FHIT: variants seen among roughly 807,000 people sequenced by gnomAD.
FHIT encodes bis(5'-adenosyl)-triphosphatase.
In FHIT, 19 loss-of-function variants were observed where a neutral mutation model predicts 17.9. That is an observed-to-expected ratio of 1.06 (90% CI 0.74 to 1.56). The LOEUF is 1.56. Ranked by LOEUF, FHIT falls within the 40% of genes most tolerant of loss-of-function variation. FHIT has a pLI of 0.00. For missense variants in FHIT, 248 were observed against 189.2 expected (o/e 1.31, Z -1.82); for synonymous variants, 81 against 69.7 (o/e 1.16, Z -0.81).
At chr3:60,826,918 T>A (rs917127074) in intron 3 of FHIT, among the ~76,000 whole-genome samples, 4 of 152,312 alleles carry the variant, frequency 2.6e-5, no homozygotes, top group African/African-American at 9.6e-5. Flanking sequence ...GATTTCGCAA[T>A]TTTGCTTGTC....
intron 5 of FHIT, among the ~76,000 whole-genome samples, chr3:60,116,206 A>G (rs1704953993): frequency 6.6e-6 from 1 of 152,214 alleles, no homozygotes; most frequent in African/African-American, 2.4e-5. Context: ...AAAGAGACAC[A>G]TGTTGGTACA....
At chr3:60,515,819 T>A (rs1365965210) in intron 5 of FHIT, among the ~76,000 whole-genome samples, 1 of 152,178 alleles carries the variant, frequency 6.6e-6, no homozygotes, top group East Asian at 1.9e-4. Flanking sequence ...AAGCATAAGG[T>A]AACTGAAGGA....
chr3:61,022,274 C>T (rs1049051249), intron 3 of FHIT, among the ~76,000 whole-genome samples: 1 of 152,290 alleles, frequency 6.6e-6, no homozygotes, highest in East Asian at 1.9e-4. Flanking sequence ...GACACATACA[C>T]CCTCCCAAGA....
rs1553681655 is a variant in FHIT at position 60,088,932 on chromosome 3, A to AC, written c.104-74781dup. 2.7e-4 allele frequency among the ~76,000 whole-genome samples: 41 copies of AC among 152,312 alleles called. No homozygotes were observed. In the South Asian group the frequency reaches 8.3e-3, roughly 31 times the overall value. On this transcript the variant is annotated intron_variant, in intron 5 of 9. Coordinates refer to ENST00000492590, the MANE Select transcript of FHIT (RefSeq NM_002012.4). The stretch of plus-strand genomic sequence containing the variant: ...AAATACCCAGACTTGGTTAGGAAAG[A>AC]CTATGTAAGGCAACAATTTCAAGGG...
intron 5 of FHIT, among the ~76,000 whole-genome samples, chr3:60,459,549 G>A (rs190486742): frequency 1.9e-4 from 29 of 152,242 alleles, no homozygotes; most frequent in Non-Finnish European, 4.0e-4. Context: ...CTTAGCAGTG[G>A]TTTGAAACCA....
intron 5 of FHIT, among the ~76,000 whole-genome samples, chr3:60,485,504 GGACATGGAAGAAGC>G: frequency 6.6e-6 from 1 of 152,156 alleles, no homozygotes; most frequent in Non-Finnish European, 1.5e-5. Context: ...TCCTTTGCAG[GGACATGGAAGAAGC>G]TGGAAGCCAT....
chr3:60,177,217 G>T (rs533787659), intron 5 of FHIT, among the ~76,000 whole-genome samples: 1 of 151,336 alleles, frequency 6.6e-6, no homozygotes, highest in South Asian at 2.1e-4. Context: ...TAAATAATAA[G>T]GAGGGGAAGG....
intron 8 of FHIT, among the ~76,000 whole-genome samples, chr3:59,837,479 AC>A (rs1346680875): frequency 6.6e-6 from 1 of 151,230 alleles, no homozygotes; most frequent in Non-Finnish European, 1.5e-5. Context: ...AATTCCCCCC[AC>A]CCCCCAAATA....
Position 60,635,006 on chromosome 3 carries a change from G to C in FHIT, c.-17-98027C>G, listed in dbSNP as rs147343117. 5.4e-3 allele frequency among the ~76,000 whole-genome samples: 824 copies of C among 152,230 alleles called. 3 individuals are homozygous for C. The highest frequency in any genetic ancestry group is 8.3e-3 in the Non-Finnish European group (563 of 68,022). On this transcript the variant is annotated intron_variant, in intron 4 of 9. Coordinates refer to ENST00000492590, the MANE Select transcript of FHIT (RefSeq NM_002012.4). ...CGCACCTCAGCCTCCTGAGTAGCTA[G>C]AGCTACTGCATGCCCCACTGCGCCC...
chr3:59,939,613 T>C (rs143479110), intron 7 of FHIT, among the ~76,000 whole-genome samples: 2,670 of 152,302 alleles, frequency 0.018, 30 homozygotes, highest in Non-Finnish European at 0.027. Context: ...GTACTTGACA[T>C]GTGAAAAAAT....
intron 5 of FHIT, among the ~76,000 whole-genome samples, chr3:60,362,039 A>C (rs1699926718): frequency 6.6e-6 from 1 of 151,730 alleles, no homozygotes. Flanking sequence ...CATGGGTGTC[A>C]CCAATCTTAA....
chr3:60,470,836 A>G (rs866037209), intron 5 of FHIT, among the ~76,000 whole-genome samples: 10 of 152,150 alleles, frequency 6.6e-5, no homozygotes, highest in Non-Finnish European at 1.5e-4. Flanking sequence ...TGAAGCCAGC[A>G]GGGCTCTGAG....
At chr3:60,625,624 A>G (rs1350195403) in intron 4 of FHIT, among the ~76,000 whole-genome samples, 1 of 152,134 alleles carries the variant, frequency 6.6e-6, no homozygotes, top group Non-Finnish European at 1.5e-5. Flanking sequence ...AAATATTTAT[A>G]TATTCTAGAT....
intron 5 of FHIT, among the ~76,000 whole-genome samples, chr3:60,063,727 A>G (rs762461393): frequency 2.0e-5 from 3 of 152,230 alleles, no homozygotes; most frequent in Admixed American, 6.5e-5. Context: ...ATGCATTGCT[A>G]AGAATTTGCC....
At chr3:60,336,126 C>T (rs1710226952) in intron 5 of FHIT, among the ~76,000 whole-genome samples, 1 of 152,204 alleles carries the variant, frequency 6.6e-6, no homozygotes, top group Admixed American at 6.5e-5. Flanking sequence ...CATGGGCTCT[C>T]TCCACATGCT....
chr3:61,117,879 T>C (rs1322016239), intron 2 of FHIT, among the ~76,000 whole-genome samples: 1 of 152,168 alleles, frequency 6.6e-6, no homozygotes, highest in Non-Finnish European at 1.5e-5. Flanking sequence ...GAGAAGATAC[T>C]ATAATATATT....
intron 5 of FHIT, among the ~76,000 whole-genome samples, chr3:60,285,286 A>G (rs556305261): frequency 3.9e-5 from 6 of 152,274 alleles, no homozygotes; most frequent in South Asian, 4.1e-4. Context: ...ACATTTGCCA[A>G]TGTTTTGAGA....
chr3:60,342,242 G>C (rs1252676629), intron 5 of FHIT, among the ~76,000 whole-genome samples: 1 of 152,208 alleles, frequency 6.6e-6, no homozygotes, highest in Non-Finnish European at 1.5e-5. Context: ...ATACACAATT[G>C]CATGAGCAAT....
At chr3:59,866,899 G>A (rs555518610) in intron 8 of FHIT, among the ~76,000 whole-genome samples, 1 of 152,052 alleles carries the variant, frequency 6.6e-6, no homozygotes, top group Admixed American at 6.5e-5. Context: ...AATTTAGGAA[G>A]GTTTTATGTC....
Sources: allele counts gnomAD v4.1 joint callset (sites outside exome capture counted in the v4.1 genomes callset), GRCh38; gene constraint gnomAD v4.1.1; transcripts MANE v1.5; gene names NCBI Gene and HGNC (gene_info 2026-07-23, HGNC 2026-07-21).